KCND1: variants seen among roughly 807,000 people sequenced by gnomAD.
The protein encoded by KCND1 is potassium voltage-gated channel subfamily D member 1.
Under a neutral mutation model 31.8 loss-of-function variants are expected in KCND1, and 11 were observed. The observed-to-expected ratio is 0.35, with a 90% CI of 0.22 to 0.57. The LOEUF is 0.57. Among genes scored for constraint, KCND1 ranks in the 20% least tolerant of loss-of-function variants. KCND1 has a pLI of 0.85. For synonymous variants in KCND1, 234 were observed against 248.1 expected (o/e 0.94, Z 0.53); for missense variants, 471 against 596.8 (o/e 0.79, Z 2.20).
intron 1 of KCND1, among the ~76,000 whole-genome samples, chrX:48,968,835 C>A (rs1391682112): frequency 8.9e-6 from 1 of 112,047 alleles, no homozygotes; most frequent in Non-Finnish European, 1.9e-5. Context: ...GGGCGGATCA[C>A]CTGAGGTCAG....
Position 48,961,721 on chromosome X carries a change from T to C in KCND1, c.*860A>G, listed in dbSNP as rs1474467110. 8.9e-6 allele frequency: 1 copy of C among 111,851 alleles called. No individual in the cohort carries two copies. Among genetic ancestry groups the C allele is most frequent in the African/African-American group, 3.3e-5 (1 of 30,587 alleles). The allele number at this position is 111,851 out of a possible 1,213,427, so 9.2% of individuals were successfully genotyped here. A position where few individuals can be genotyped will look rare whatever the true frequency, so the allele number is the denominator to read the frequency against. On this transcript the variant is annotated 3_prime_UTR_variant, in exon 6 of 6. Coordinates refer to ENST00000218176, the MANE Select transcript of KCND1 (RefSeq NM_004979.6). ...GCTCTTGCTGGTTGCCAGGCTCTTA[T>C]CTCAGCCAGTCCAGACTCCAGCCCA...
chrX:48,963,272 C>G (rs2064333914), intron 5 of KCND1, among the ~76,000 whole-genome samples: 1 of 109,810 alleles, frequency 9.1e-6, no homozygotes, highest in Non-Finnish European at 1.9e-5. Context: ...GCGGTAAAGC[C>G]CCATCTCTAC....
Position 48,969,486 on chromosome X carries a change from A to C in KCND1, c.786T>G (p.Ser262Arg), listed in dbSNP as rs781947184. Residue 262 changes from serine (S) to arginine (R), a missense_variant, in exon 1 of 6, where the codon AGT (serine) becomes AGG (arginine). Transcript: ENST00000218176. ...CCACCACGTCGATGAGGCTCATGACACTCCGCAGGAAGCGGCAACGGCTGG... is the reference window on the plus strand; with the variant it reads ...CCACCACGTCGATGAGGCTCATGACCCTCCGCAGGAAGCGGCAACGGCTGG... ...AAPSRCRFLR[S>R]VMSLIDVVAI... 1.5e-5 allele frequency: 18 copies of C among 1,209,394 alleles called. No individual in the cohort carries two copies. Among genetic ancestry groups the C allele is most frequent in the Non-Finnish European group, 1.1e-5 (10 of 894,865 alleles).
Position 48,962,632 on chromosome X carries a change from G to A in KCND1, c.1893C>T (p.Ser631=). The change falls in exon 6 of 6, where the codon AGC becomes AGT. Residue 631 remains serine (S), a synonymous_variant. Transcript: ENST00000218176. ...GRAGSTLRNS[S]LGTPCLFPET... is the part of the protein sequence containing the mutation. ...CGGGGAAGAGGCAAGGGGTACCCAG[G>A]CTGGAGTTCCTGAGGGTGCTGCCGG... The A allele has an allele frequency of 8.3e-7, 1 of 1,210,391 alleles. No homozygotes were observed. Among genetic ancestry groups the A allele is most frequent in the Non-Finnish European group, 1.1e-6 (1 of 894,794 alleles).
rs782405088 is a variant in KCND1 at position 48,962,787 on chromosome X, T to C, written c.1738A>G (p.Lys580Glu). The C allele has an allele frequency of 5.8e-6, 7 of 1,208,249 alleles. No homozygotes were observed. In the Admixed American group the frequency reaches 1.1e-4, roughly 19 times the overall value. Residue 580 changes from lysine (K) to glutamate (E), a missense_variant, in exon 6 of 6, where the codon AAG becomes GAG. By Grantham distance (56) the Lys-to-Glu change is moderately conservative. This residue lies in a region of KCND1 where 185 missense variants were observed against 184.7 expected (regional missense o/e 1.00). Coordinates refer to ENST00000218176, the MANE Select transcript of KCND1 (RefSeq NM_004979.6). ...TTCAGGTCAAGGCTGTCATGGGGCT[T>C]GGCATTGAGGCTGGAACGGCTGTGG... is the stretch of plus-strand genomic sequence containing the variant. ...APQSRSSLNAKPHDSLDLNCD... is the reference protein window; with the variant it reads ...APQSRSSLNAEPHDSLDLNCD...
At chrX:48,966,553 T>C in intron 4 of KCND1, 25 bp downstream of exon 4, 1 of 1,181,672 alleles carries the variant, frequency 8.5e-7, no homozygotes, top group African/African-American at 1.7e-5. Flanking sequence ...TCTATTCTGC[T>C]ATATCACCTC....
In KCND1 at chrX:48,966,945, T is replaced by G. The variant is rs1557058132; in HGVS notation, c.1283A>C (p.Gln428Pro). The change falls in exon 2 of 6, where the codon CAG becomes CCG. Residue 428 changes from glutamine (Q) to proline (P), a missense_variant and splice_region_variant. By Grantham distance (76) the Gln-to-Pro change is moderately conservative (BLOSUM62 -1). Transcript: ENST00000218176. ...TGCTCGGATGGAAAGTGCGGTTACC[T>G]GCTGTGCTCGGCGCTTGTCAGCCCG... ...NQRADKRRAQ[Q>P]KVRLARIRLA... 23 of 1,207,539 alleles carry G rather than the reference T, an allele frequency of 1.9e-5. No homozygotes were observed. Among genetic ancestry groups the G allele is most frequent in the Non-Finnish European group, 2.6e-5 (23 of 894,460 alleles).
In KCND1 at chrX:48,966,579, G is replaced by A. The variant is rs369458485; in HGVS notation, c.1466C>T (p.Thr489Met). The change falls in exon 4 of 6, where the codon ACG becomes ATG. Residue 489 changes from threonine to methionine, a missense_variant and splice_region_variant. By Grantham distance (81) the Thr-to-Met change is moderately conservative. This residue lies in a region of KCND1 where 185 missense variants were observed against 184.7 expected (regional missense o/e 1.00). Transcript: ENST00000218176. ...HHLLHCLEKT[T>M]CHEFTDELTF... The stretch of plus-strand genomic sequence containing the variant: ...ATATCACCTCACATTAGGCCTCACC[G>A]TTGTCTTCTCTAGACAGTGCAGCAA... 8.3e-7 allele frequency: 1 copy of A among 1,206,891 alleles called. No individual in the cohort carries two copies. Among genetic ancestry groups the A allele is most frequent in the Non-Finnish European group, 1.1e-6 (1 of 891,782 alleles).
rs1210552744 is a variant in KCND1 at position 48,961,559 on chromosome X, GGGA to G, written c.*1019_*1021del. On this transcript the variant is annotated 3_prime_UTR_variant, in exon 6 of 6. Transcript: ENST00000218176. ...AGGAATATGTGAAAAGGAATTGTAG[GGGA>G]GGAGGAGGAGGAGAAGTTCCTCCTG... 14 of 112,319 alleles carry G rather than the reference GGGA, an allele frequency of 1.2e-4. No homozygotes were observed. Among genetic ancestry groups the G allele is most frequent in the African/African-American group, 3.6e-4 (11 of 30,942 alleles). 9.3% of individuals were successfully genotyped at this position (112,319 alleles called of 1,213,427 possible). A position where few individuals can be genotyped will look rare whatever the true frequency, so the allele number is the denominator to read the frequency against.
Position 48,965,820 on chromosome X carries a change from G to T in KCND1, c.1718+235C>A, listed in dbSNP as rs1009160812. ...GAACCCAGGAGGTGGAGGCTGCAGC[G>T]AGCTGAGATCCCGCCATTGCACTCC... On this transcript the variant is annotated intron_variant, in intron 5 of 5. Coordinates refer to ENST00000218176, the MANE Select transcript of KCND1 (RefSeq NM_004979.6). Among the ~76,000 whole-genome samples the T allele has an allele frequency of 1.2e-3, 132 of 108,186 alleles. 1 individual carries two copies. Among genetic ancestry groups the T allele is most frequent in the African/African-American group, 4.1e-3 (122 of 29,624 alleles). The allele number at this position is 108,186 out of a possible 115,157, so 93.9% of individuals were successfully genotyped here.
At position 48,966,802 on chromosome X, in the gene KCND1, T is replaced by C. The variant is rs1813536146; in HGVS notation, c.1327A>G (p.Thr443Ala). ...TGCTTGTACTGCAGGAAGGCATTGG[T>C]GGTACCACTCTTTGCCAATCGGATC... ...ARIRLAKSGT[T>A]NAFLQYKQNG... The change falls in exon 3 of 6, where the codon ACC (threonine) becomes GCC (alanine). Residue 443 changes from threonine (T) to alanine (A), a missense_variant. Around this residue, in one of 3 missense-constraint regions of KCND1, gnomAD observed 185 missense variants for 184.7 expected, o/e 1.00. Coordinates refer to ENST00000218176, the MANE Select transcript of KCND1 (RefSeq NM_004979.6). 1.7e-6 allele frequency: 2 copies of C among 1,204,166 alleles called. No homozygotes were observed. Among genetic ancestry groups the C allele is most frequent in the African/African-American group, 3.6e-5 (2 of 56,065 alleles).
Position 48,966,817 on chromosome X carries a change from C to T in KCND1, c.1312G>A (p.Ala438Thr), listed in dbSNP as rs782196046. ...QKVRLARIRL[A>T]KSGTTNAFLQ... ...AAGGCATTGGTGGTACCACTCTTTG[C>T]CAATCGGATCCTTGCCAAGCGCACC... Residue 438 changes from alanine (A) to threonine (T), a missense_variant, in exon 3 of 6, where the codon GCA becomes ACA. This residue lies in a region of KCND1 where 74 missense variants were observed against 154.2 expected (regional missense o/e 0.48). Transcript: ENST00000218176. The T allele has an allele frequency of 8.3e-7, 1 of 1,205,843 alleles. No homozygotes were observed. The highest frequency in any genetic ancestry group is 1.1e-6 in the Non-Finnish European group (1 of 893,382).
intron 1 of KCND1, among the ~76,000 whole-genome samples, chrX:48,968,830 G>T: frequency 8.9e-6 from 1 of 112,139 alleles, no homozygotes. Context: ...AAGGCGGGCG[G>T]ATCACCTGAG....
chrX:48,965,882 A>T (rs1260568286), intron 5 of KCND1, among the ~76,000 whole-genome samples, 173 bp downstream of exon 5: 2 of 111,175 alleles, frequency 1.8e-5, no homozygotes, highest in Non-Finnish European at 3.8e-5. Context: ...TCAAAAAAAA[A>T]AAAAAAAGAA....
In KCND1 at chrX:48,966,715, C is replaced by T. The variant is rs782817739; in HGVS notation, c.1369-39G>A. The T allele has an allele frequency of 1.0e-5, 12 of 1,198,634 alleles. No homozygotes were observed. In the Admixed American group the frequency reaches 2.4e-4, roughly 24 times the overall value. On this transcript the variant is annotated intron_variant, in intron 3 of 5. Transcript: ENST00000218176. ...AGCAGAGCGATAAGGGCAGCACCTT[C>T]CTCCCCGTTATGGCTCACCCCAACC...
At chrX:48,964,662 G>A (rs2064341403) in intron 5 of KCND1, among the ~76,000 whole-genome samples, 1 of 105,447 alleles carries the variant, frequency 9.5e-6, no homozygotes, top group Admixed American at 1.0e-4. Flanking sequence ...GGTTGCAGCA[G>A]TGAGCCGAGA....
rs782354757 is a variant in KCND1 at position 48,962,671 on chromosome X, G to C, written c.1854C>G (p.Gly618=). 1 of 1,207,736 alleles carries C rather than the reference G, an allele frequency of 8.3e-7. No homozygotes were observed. Among genetic ancestry groups the C allele is most frequent in the Non-Finnish European group, 1.1e-6 (1 of 894,245 alleles). Residue 618 remains glycine, a synonymous_variant, in exon 6 of 6, where the codon GGC becomes GGG. Transcript: ENST00000218176. ...GGGTGCTGCCGGCCCTGCCACCGCCGCCAGGGGAGGAAGGTTGGCTCTCAT... is the reference window on the plus strand; with the variant it reads ...GGGTGCTGCCGGCCCTGCCACCGCCCCCAGGGGAGGAAGGTTGGCTCTCAT... The part of the protein sequence containing the change: ...TPDESQPSSP[G]GGGRAGSTLR...
At chrX:48,963,454 A>T (rs1197727318) in intron 5 of KCND1, among the ~76,000 whole-genome samples, 1 of 110,427 alleles carries the variant, frequency 9.1e-6, no homozygotes, top group Non-Finnish European at 1.9e-5. Context: ...CTCAAAAAAA[A>T]AAAAAAAATT....
chrX:48,968,684 A>G (rs1300168182), intron 1 of KCND1, among the ~76,000 whole-genome samples: 1 of 112,062 alleles, frequency 8.9e-6, no homozygotes. Flanking sequence ...AAATCAAGGC[A>G]TTGTCAGAGC....
Sources: gnomAD v4.1 joint callset for allele counts (sites outside exome capture counted in the v4.1 genomes callset) on GRCh38, gnomAD v4.1.1 for gene constraint, gnomAD v4.1.1 regional missense constraint, MANE v1.5 for transcripts, NCBI Gene and HGNC (gene_info 2026-07-23, HGNC 2026-07-21) for gene names.